Variants in ARHGEF9 observed in about 807,000 individuals in gnomAD.
The protein encoded by ARHGEF9 is rho guanine nucleotide exchange factor 9.
Under a neutral mutation model 41.3 loss-of-function variants are expected in ARHGEF9, and 2 were observed. The observed-to-expected ratio is 0.05, with a 90% CI of 0.02 to 0.15. The LOEUF (loss-of-function observed/expected upper bound fraction) is 0.15, where lower values mean the gene tolerates loss of function less well. Ranked by LOEUF, ARHGEF9 falls within the 10% of genes least tolerant of loss-of-function variation. The pLI, the probability that ARHGEF9 is intolerant of heterozygous loss-of-function variation, is 1.00. For missense variants in ARHGEF9, 225 were observed against 424.7 expected, an observed-to-expected ratio of 0.53 and a Z score of 4.13; for synonymous variants, 160 against 154.4, an observed-to-expected ratio of 1.04 and a Z score of -0.27.
chrX:63,670,737 A>G (rs1268377817), intron 6 of ARHGEF9, among the ~76,000 whole-genome samples: 2 of 111,538 alleles, frequency 1.8e-5, no homozygotes, highest in African/African-American at 3.3e-5. Context: ...TACTGCTCTA[A>G]TGTATTGATT....
intron 4 of ARHGEF9, among the ~76,000 whole-genome samples, chrX:63,689,478 T>G (rs1265104326): frequency 8.9e-6 from 1 of 111,813 alleles, no homozygotes; most frequent in Non-Finnish European, 1.9e-5. Context: ...CACCCAACAC[T>G]GGAGCACCCA....
At chrX:63,774,541 G>T (rs1360535557) in intron 1 of ARHGEF9, among the ~76,000 whole-genome samples, 1 of 111,249 alleles carries the variant, frequency 9.0e-6, no homozygotes, top group Non-Finnish European at 1.9e-5. Context: ...ACAGGCTCCA[G>T]CCACACCAGA....
chrX:63,646,794 G>A (rs1458488781), intron 8 of ARHGEF9, among the ~76,000 whole-genome samples: 27 of 111,823 alleles, frequency 2.4e-4, no homozygotes, highest in African/African-American at 7.5e-4. Context: ...GATGGGGATG[G>A]CATTGAATCT....
intron 5 of ARHGEF9, among the ~76,000 whole-genome samples, chrX:63,674,480 G>A (rs2050137418): frequency 8.9e-6 from 1 of 112,314 alleles, no homozygotes; most frequent in Non-Finnish European, 1.9e-5. Flanking sequence ...AACCTGAGAG[G>A]AGCGGCTGGC....
intron 8 of ARHGEF9, among the ~76,000 whole-genome samples, chrX:63,646,526 G>C (rs1349579707): frequency 1.8e-5 from 2 of 111,885 alleles, no homozygotes; most frequent in African/African-American, 6.5e-5. Flanking sequence ...GTTTGTCAAA[G>C]ATCAGATGGT....
At chrX:63,705,853 ATTGAAGT>A (rs1265592128) in intron 3 of ARHGEF9, among the ~76,000 whole-genome samples, 3 of 111,431 alleles carry the variant, frequency 2.7e-5, no homozygotes, top group African/African-American at 9.8e-5. Flanking sequence ...TCTGGTACAT[ATTGAAGT>A]CTGTGAATCA....
chrX:63,706,540 A>C, intron 2 of ARHGEF9, 91 bp from the exon 3 acceptor site: 3 of 996,326 alleles, frequency 3.0e-6, no homozygotes, highest in Non-Finnish European at 2.7e-6. Flanking sequence ...TGAACTTCTC[A>C]GGTATTCAGA....
intron 1 of ARHGEF9, chrX:63,754,987 C>G (rs1205852749): frequency 1.1e-6 from 1 of 937,094 alleles, no homozygotes; most frequent in Non-Finnish European, 1.3e-6. Context: ...GCCTGGCTAC[C>G]GGTCAGTCTC....
intron 4 of ARHGEF9, among the ~76,000 whole-genome samples, chrX:63,690,570 G>C (rs2147404198): frequency 9.0e-6 from 1 of 111,477 alleles, no homozygotes; most frequent in Non-Finnish European, 1.9e-5. Context: ...AAAAAGAACT[G>C]ATAATAATTC....
At chrX:63,758,964 T>C (rs2055982849) in intron 1 of ARHGEF9, among the ~76,000 whole-genome samples, 2 of 111,473 alleles carry the variant, frequency 1.8e-5, no homozygotes, top group Admixed American at 1.9e-4. Flanking sequence ...ATTGGATGCA[T>C]GAATGTCTCC....
At chrX:63,733,289 A>C (rs1732205454) in intron 1 of ARHGEF9, among the ~76,000 whole-genome samples, 1 of 111,945 alleles carries the variant, frequency 8.9e-6, no homozygotes, top group Non-Finnish European at 1.9e-5. Flanking sequence ...CAGCTGCCCT[A>C]TATGCCAGTC....
intron 4 of ARHGEF9, among the ~76,000 whole-genome samples, chrX:63,693,516 G>A (rs1556384008): frequency 9.4e-6 from 1 of 106,514 alleles, no homozygotes; most frequent in Non-Finnish European, 1.9e-5. Flanking sequence ...GGAGGTTGAG[G>A]CAGGAGAATT....
At chrX:63,640,146 G>A (rs1346427916) in intron 9 of ARHGEF9, 1 of 111,910 alleles carries the variant, frequency 8.9e-6, no homozygotes, top group Non-Finnish European at 1.9e-5. Flanking sequence ...AATGATACAC[G>A]TTTAAGGTGA....
intron 1 of ARHGEF9, among the ~76,000 whole-genome samples, chrX:63,748,899 T>C (rs2147762676): frequency 8.9e-6 from 1 of 112,155 alleles, no homozygotes; most frequent in South Asian, 3.8e-4. Flanking sequence ...GCATGAACAG[T>C]TCTAGGCAGC....
intron 7 of ARHGEF9, among the ~76,000 whole-genome samples, chrX:63,661,764 C>G (rs1342527984): frequency 9.0e-6 from 1 of 110,971 alleles, no homozygotes; most frequent in Non-Finnish European, 1.9e-5. Flanking sequence ...CCTTTTCTCT[C>G]TCTCTCTCTC....
chrX:63,642,695 A>G (rs2047715004), intron 9 of ARHGEF9: 1 of 111,938 alleles, frequency 8.9e-6, no homozygotes, highest in African/African-American at 3.2e-5. Context: ...AAATTTCAGG[A>G]GACTTGAATC....
chrX:63,746,221 C>T (rs781799406), intron 1 of ARHGEF9, among the ~76,000 whole-genome samples: 5 of 111,978 alleles, frequency 4.5e-5, no homozygotes, highest in Admixed American at 9.4e-5. Context: ...GCTACCAACA[C>T]TCAACCTTGG....
At chrX:63,779,058 C>T (rs782488636) in intron 1 of ARHGEF9, among the ~76,000 whole-genome samples, 11 of 111,855 alleles carry the variant, frequency 9.8e-5, no homozygotes, top group South Asian at 3.8e-4. Context: ...GACTGAGAAA[C>T]GTAAAAGCCA....
intron 1 of ARHGEF9, chrX:63,725,640 G>C (rs1432267995): frequency 9.0e-6 from 1 of 111,072 alleles, no homozygotes; most frequent in African/African-American, 3.3e-5. Context: ...GGGATGGGGT[G>C]GGGGTGGGGA....
Sources: allele counts gnomAD v4.1 joint callset (sites outside exome capture counted in the v4.1 genomes callset), GRCh38; gene constraint gnomAD v4.1.1; transcripts MANE v1.5; gene names NCBI Gene and HGNC (gene_info 2026-07-23, HGNC 2026-07-21).